The following ABCA12 variants were observed in gnomAD, a reference collection of about 807,000 sequenced individuals.
ABCA12 encodes the protein glucosylceramide transporter ABCA12.
A neutral mutation model predicts 293.5 loss-of-function variants in ABCA12; 156 were observed. The ratio of observed to expected loss-of-function variants is 0.53; its 90% confidence interval spans 0.47 to 0.61. The LOEUF (loss-of-function observed/expected upper bound fraction) is 0.61, where lower values mean the gene tolerates loss of function less well. ABCA12 is among the 20% of genes least tolerant of loss of function. The pLI, the probability that ABCA12 is intolerant of heterozygous loss-of-function variation, is 0.00. For synonymous variants in ABCA12, 1,063 were observed against 1,108.0 expected (o/e 0.96, Z 0.81); for missense variants, 2,797 against 3,090.2 (o/e 0.91, Z 2.25).
At chr2:215,092,353 G>C (rs1350223958) in intron 2 of ABCA12, among the ~76,000 whole-genome samples, 1 of 151,950 alleles carries the variant, frequency 6.6e-6, no homozygotes, top group Non-Finnish European at 1.5e-5. Context: ...TTATTAGATC[G>C]AGATGTTTTA....
chr2:215,077,738 A>T (rs1701860465), intron 2 of ABCA12, among the ~76,000 whole-genome samples: 1 of 152,182 alleles, frequency 6.6e-6, no homozygotes, highest in Non-Finnish European at 1.5e-5. Flanking sequence ...ATATATTTTT[A>T]AATTGTCTCT....
In ABCA12 at chr2:214,947,417, C is replaced by T. The variant is rs1157491579; in HGVS notation, c.7239+5G>A. ...AGTGGCCTGTTTAAATAATGATTCT[C>T]TTACCAGCAGTAGAATGGAAGGTTT... On this transcript the variant is annotated splice_donor_5th_base_variant and intron_variant, in intron 48 of 52. Transcript: ENST00000272895. 1 of 1,613,810 alleles carries T rather than the reference C, an allele frequency of 6.2e-7. No individual in the cohort carries two copies. Among genetic ancestry groups the T allele is most frequent in the African/African-American group, 1.3e-5 (1 of 75,052 alleles).
rs922137523 is a variant in ABCA12, at chr2:214,931,681, T to A, written c.*953A>T. ...TCCCCAGGGCCACGTCACTTGCCATTATTAAGAAGTCTATCCTATAGCCAT... is the reference window on the plus strand; with the variant it reads ...TCCCCAGGGCCACGTCACTTGCCATAATTAAGAAGTCTATCCTATAGCCAT... On this transcript the variant is annotated 3_prime_UTR_variant, in exon 53 of 53. Transcript: ENST00000272895. The A allele has an allele frequency of 2.0e-5, 3 of 152,578 alleles. No individual in the cohort carries two copies. The highest frequency in any genetic ancestry group is 4.4e-5 in the Non-Finnish European group (3 of 68,048). The allele number at this position is 152,578 out of a possible 1,614,324, so 9.5% of individuals were successfully genotyped here.
chr2:214,942,925 C>T lies in ABCA12; in HGVS notation c.7436G>A (p.Arg2479Lys), dbSNP rs1574926259. 1 of 1,612,670 alleles carries T rather than the reference C, an allele frequency of 6.2e-7. No homozygotes were observed. Among genetic ancestry groups the T allele is most frequent in the Admixed American group, 1.7e-5 (1 of 59,930 alleles). The change falls in exon 50 of 53, where the codon AGG becomes AAG. Residue 2479 changes from arginine (R) to lysine (K), a missense_variant and splice_region_variant. By Grantham distance (26) the Arg-to-Lys change is conservative. Transcript: ENST00000272895. ...GTTAAGCAATGCATTTGTTCTTCAC[C>T]TGCTCTTTATGTGCTGCAAAGATCC... ...CIGSLQHIKS[R>K]FGRGFTVKVH...
chr2:214,999,773 T>A (rs1300143139), intron 22 of ABCA12: 1 of 982,574 alleles, frequency 1.0e-6, no homozygotes, highest in Non-Finnish European at 1.2e-6. Context: ...ACAGTCCACT[T>A]GATGGACTCC....
chr2:214,966,971 A>G lies in ABCA12; in HGVS notation c.5779-18T>C. ...TACCATACCTATTAAATTCCAAAAG[A>G]AGGCAAGATCAATATTGCATTCAAA... On this transcript the variant is annotated intron_variant, in intron 38 of 52. Coordinates refer to ENST00000272895, the MANE Select transcript of ABCA12 (RefSeq NM_173076.3). 1 of 1,594,096 alleles carries G rather than the reference A, an allele frequency of 6.3e-7. No individual in the cohort carries two copies. Among genetic ancestry groups the G allele is most frequent in the Non-Finnish European group, 8.6e-7 (1 of 1,161,980 alleles).
chr2:215,024,401 T>A (rs1700695569), intron 11 of ABCA12, among the ~76,000 whole-genome samples: 1 of 152,092 alleles, frequency 6.6e-6, no homozygotes, highest in Non-Finnish European at 1.5e-5. Flanking sequence ...GGATAAATAT[T>A]ATAGGAGCAC....
intron 50 of ABCA12, among the ~76,000 whole-genome samples, chr2:214,938,417 G>C (rs186327079): frequency 2.0e-5 from 3 of 152,216 alleles, no homozygotes; most frequent in African/African-American, 4.8e-5. Flanking sequence ...CAGTGCTGCA[G>C]TAAACATACA....
rs570608377 is a variant in ABCA12, at chr2:215,082,878, A to G, written c.164-18659T>C. The stretch of plus-strand genomic sequence containing the variant: ...TTTAGCTTTAAAAGTACTTTCACGA[A>G]TAATATCCTTTTGAGCTTCATTCAC... On this transcript the variant is annotated intron_variant, in intron 2 of 52. Coordinates refer to ENST00000272895, the MANE Select transcript of ABCA12 (RefSeq NM_173076.3). The G allele has an allele frequency of 5.9e-5, 9 of 152,356 alleles. No homozygotes were observed. The East Asian group carries it at 7.7e-4, about 13-fold the overall frequency. 9.4% of individuals were successfully genotyped at this position (152,356 alleles called of 1,614,324 possible). A position where few individuals can be genotyped will look rare whatever the true frequency, so the allele number is the denominator to read the frequency against.
intron 28 of ABCA12, among the ~76,000 whole-genome samples, chr2:214,985,561 T>TA (rs1048011912): frequency 1.3e-4 from 20 of 151,536 alleles, no homozygotes; most frequent in Admixed American, 5.3e-4. Flanking sequence ...AAATAAAAGT[T>TA]AAAAAAAAAT....
rs77986718 is a variant in ABCA12 at position 214,959,737 on chromosome 2, A to T, written c.5885-659T>A. On this transcript the variant is annotated intron_variant, in intron 39 of 52. Transcript: ENST00000272895. ...TCAGAAAAGTGGTCACTTAATTCCA[A>T]TACAGTCCCAAATTGCTGGGATCTC... 6.8e-4 allele frequency among the ~76,000 whole-genome samples: 103 copies of T among 152,286 alleles called. No individual in the cohort carries two copies. In the East Asian group the frequency reaches 7.9e-3, roughly 12 times the overall value.
chr2:215,134,599 CTATATATA>C (rs1161603641), intron 1 of ABCA12, among the ~76,000 whole-genome samples: 5 of 85,252 alleles, frequency 5.9e-5, no homozygotes, highest in South Asian at 3.8e-4. Flanking sequence ...CTCTCTCTCT[CTATATATA>C]TATATATATA....
At position 214,979,450 on chromosome 2, in the gene ABCA12, C is replaced by G. The variant is rs187193597; in HGVS notation, c.4741-410G>C. 5.1e-3 allele frequency among the ~76,000 whole-genome samples: 769 copies of G among 152,142 alleles called. 3 individuals carry two copies. Among genetic ancestry groups the G allele is most frequent in the Middle Eastern group, 0.01 (3 of 294 alleles). ...TCAAAGAACCTCTTTTCTTATTACC[C>G]TACTTAAATATTGCCCCACTTGGCA... is the stretch of plus-strand genomic sequence containing the variant. On this transcript the variant is annotated intron_variant, in intron 31 of 52. Transcript: ENST00000272895.
At chr2:215,027,742 G>T (rs188367952) in intron 9 of ABCA12, among the ~76,000 whole-genome samples, 1 of 152,156 alleles carries the variant, frequency 6.6e-6, no homozygotes, top group African/African-American at 2.4e-5. Context: ...AAGCTAGGGG[G>T]CTAGATGATC....
At chr2:215,099,846 G>C (rs893740404) in intron 2 of ABCA12, among the ~76,000 whole-genome samples, 6 of 152,184 alleles carry the variant, frequency 3.9e-5, no homozygotes, top group Admixed American at 3.3e-4. Flanking sequence ...TAAACAATTA[G>C]GGTGGAAAAC....
intron 11 of ABCA12, among the ~76,000 whole-genome samples, chr2:215,021,050 CTTG>C: frequency 6.6e-6 from 1 of 152,206 alleles, no homozygotes; most frequent in Non-Finnish European, 1.5e-5. Context: ...AGGGTTTCAC[CTTG>C]TTGCCCTGGC....
intron 1 of ABCA12, among the ~76,000 whole-genome samples, chr2:215,120,208 G>A (rs961389509): frequency 1.3e-5 from 2 of 152,104 alleles, no homozygotes; most frequent in Non-Finnish European, 2.9e-5. Context: ...ACTTATAAGT[G>A]AGAGTTAAAC....
intron 3 of ABCA12, among the ~76,000 whole-genome samples, chr2:215,056,253 G>C (rs1701417338): frequency 6.6e-6 from 1 of 152,058 alleles, no homozygotes; most frequent in South Asian, 2.1e-4. Flanking sequence ...AGCTGCATCT[G>C]CTCCACGGAG....
intron 1 of ABCA12, among the ~76,000 whole-genome samples, chr2:215,114,052 G>A (rs1359991982): frequency 6.6e-6 from 1 of 152,138 alleles, no homozygotes; most frequent in Non-Finnish European, 1.5e-5. Flanking sequence ...TCGGCTCACT[G>A]CAACCTCCGC....
Sources: allele counts gnomAD v4.1 joint callset (sites outside exome capture counted in the v4.1 genomes callset), GRCh38; gene constraint gnomAD v4.1.1; transcripts MANE v1.5; gene names NCBI Gene and HGNC (gene_info 2026-07-23, HGNC 2026-07-21).